GPHN: variants seen among roughly 807,000 people sequenced by gnomAD.
The protein encoded by GPHN is gephyrin.
GPHN carries 17 observed loss-of-function variants against 95.5 expected under a neutral mutation model. That is an observed-to-expected ratio of 0.18 (90% CI 0.12 to 0.27). The LOEUF is 0.27. Ranked by LOEUF, GPHN falls within the 10% of genes least tolerant of loss-of-function variation. GPHN has a pLI of 1.00. For synonymous variants in GPHN, 320 were observed against 322.5 expected, an observed-to-expected ratio of 0.99 and a Z score of 0.08; for missense variants, 660 against 978.1, an observed-to-expected ratio of 0.67 and a Z score of 4.34.
At chr14:66,946,570 A>G (rs2067767260) in intron 8 of GPHN, among the ~76,000 whole-genome samples, 1 of 152,032 alleles carries the variant, frequency 6.6e-6, no homozygotes, top group Admixed American at 6.6e-5. Context: ...CACACCTGGC[A>G]GATTTTTGTA....
At chr14:67,562,119 T>A in the GPHN span, 1 of 1,611,144 alleles carries the variant, frequency 6.2e-7, no homozygotes, top group Admixed American at 1.7e-5. Flanking sequence ...AATGTGACTG[T>A]TTTTACCCGA....
the GPHN span, chr14:67,585,350 G>T: frequency 1.9e-6 from 1 of 538,844 alleles, no homozygotes; most frequent in Non-Finnish European, 3.3e-6. Context: ...GAGATGGTTA[G>T]TAGGTGGCCA....
the GPHN span, among the ~76,000 whole-genome samples, chr14:67,531,379 T>C: frequency 1.3e-5 from 2 of 152,134 alleles, no homozygotes; most frequent in African/African-American, 4.8e-5. Context: ...CCTAAATTCC[T>C]AATGTAGGGT....
intron 2 of GPHN, among the ~76,000 whole-genome samples, chr14:66,731,566 G>A (rs913693414): frequency 6.6e-6 from 1 of 152,186 alleles, no homozygotes; most frequent in African/African-American, 2.4e-5. Context: ...GAGATGATCT[G>A]AAATTGGAAC....
the GPHN span, among the ~76,000 whole-genome samples, chr14:67,672,017 A>G: frequency 6.6e-6 from 1 of 152,228 alleles, no homozygotes; most frequent in East Asian, 1.9e-4. Flanking sequence ...AGTAATAATG[A>G]ATTCAATTTT....
the GPHN span, among the ~76,000 whole-genome samples, chr14:67,351,554 G>C: frequency 6.6e-6 from 1 of 152,040 alleles, no homozygotes; most frequent in Non-Finnish European, 1.5e-5. Flanking sequence ...TGTTGCCTGG[G>C]CTAGAGTACA....
chr14:67,100,418 T>C (rs563104406), intron 12 of GPHN, among the ~76,000 whole-genome samples: 6 of 152,294 alleles, frequency 3.9e-5, no homozygotes, highest in African/African-American at 1.2e-4. Context: ...AATGGAGACA[T>C]ATGGATATGT....
chr14:67,687,808 G>A, the GPHN span, among the ~76,000 whole-genome samples: 4,110 of 134,022 alleles, frequency 0.031, 209 homozygotes, highest in African/African-American at 0.11. Flanking sequence ...AGTTTTACTC[G>A]TGACGCCCAG....
chr14:66,723,746 A>G (rs1266479297), intron 2 of GPHN, among the ~76,000 whole-genome samples: 1 of 152,100 alleles, frequency 6.6e-6, no homozygotes, highest in African/African-American at 2.4e-5. Flanking sequence ...AATGCTGACA[A>G]CTCTGACAAC....
the GPHN span, among the ~76,000 whole-genome samples, chr14:67,371,728 A>AAGAT: frequency 6.6e-6 from 1 of 152,192 alleles, no homozygotes; most frequent in East Asian, 1.9e-4. Context: ...CACTGCTGCT[A>AAGAT]TATATGCAAT....
At chr14:67,565,101 G>A in the GPHN span, among the ~76,000 whole-genome samples, 2 of 152,274 alleles carry the variant, frequency 1.3e-5, no homozygotes, top group African/African-American at 2.4e-5. Flanking sequence ...TAAGGGCTTC[G>A]CACGGAGCCT....
At chr14:67,198,203 G>C in the GPHN span, 1 of 1,613,834 alleles carries the variant, frequency 6.2e-7, no homozygotes, top group Non-Finnish European at 8.5e-7. Context: ...GGATCAATAA[G>C]CAAGATGCTC....
chr14:67,653,192 T>C, the GPHN span, among the ~76,000 whole-genome samples: 1 of 152,202 alleles, frequency 6.6e-6, no homozygotes, highest in South Asian at 2.1e-4. Context: ...AGTGGAGAAA[T>C]TTTTCACTGC....
At chr14:67,007,731 A>G (rs2072698558) in intron 9 of GPHN, among the ~76,000 whole-genome samples, 1 of 152,208 alleles carries the variant, frequency 6.6e-6, no homozygotes, top group Non-Finnish European at 1.5e-5. Flanking sequence ...ACTTTCAGAC[A>G]TAACTGAACT....
chr14:67,662,920 A>AC, the GPHN span: 94 of 1,273,192 alleles, frequency 7.4e-5, no homozygotes, highest in Non-Finnish European at 5.1e-5. Context: ...AAAAAAAAAA[A>AC]AGAATGTTTA....
intron 10 of GPHN, among the ~76,000 whole-genome samples, chr14:67,044,573 AGAGCCGGTTGATGTAAACTATACTTTAT>A (rs2074894997): frequency 6.6e-6 from 1 of 152,180 alleles, no homozygotes; most frequent in Admixed American, 6.5e-5. Flanking sequence ...AGGTATAGCA[AGAGCCGGTTGATGTAAACTATACTTTAT>A]AACATCTTAT....
At chr14:66,989,825 G>A (rs1567186033) in intron 9 of GPHN, among the ~76,000 whole-genome samples, 1 of 152,062 alleles carries the variant, frequency 6.6e-6, no homozygotes, top group Non-Finnish European at 1.5e-5. Context: ...AAAAATTGAT[G>A]CTAAAAAGAA....
chr14:67,562,292 G>A, the GPHN span: 2 of 1,613,762 alleles, frequency 1.2e-6, no homozygotes, highest in Non-Finnish European at 1.7e-6. Flanking sequence ...ACCTTCCCCA[G>A]GTGCCCTGCA....
chr14:67,727,175 GCCAAGAGGCT>G, the GPHN span: 1 of 1,613,028 alleles, frequency 6.2e-7, no homozygotes, highest in Non-Finnish European at 8.5e-7. Context: ...TCGTGAGCTG[GCCAAGAGGCT>G]CCAAGGTAAG....
Sources: allele counts gnomAD v4.1 joint callset (sites outside exome capture counted in the v4.1 genomes callset), GRCh38; gene constraint gnomAD v4.1.1; transcripts MANE v1.5; gene names NCBI Gene and HGNC (gene_info 2026-07-23, HGNC 2026-07-21).